The following PPP1R15A variants were observed in gnomAD, a reference collection of about 807,000 sequenced individuals.
PPP1R15A encodes the protein protein phosphatase 1 regulatory subunit 15A, also known as growth arrest and DNA damage-inducible protein GADD34.
In PPP1R15A, 43 loss-of-function variants were observed where a neutral mutation model predicts 48.5. That is an observed-to-expected ratio of 0.89 (90% CI 0.69 to 1.14). The LOEUF (loss-of-function observed/expected upper bound fraction) is 1.14, where lower values mean the gene tolerates loss of function less well. PPP1R15A is among the 50% of genes most tolerant of loss of function. PPP1R15A has a pLI of 0.00. For missense variants in PPP1R15A, 868 were observed against 847.2 expected (o/e 1.02, Z -0.30); for synonymous variants, 327 against 327.4 (o/e 1.00, Z 0.01).
Position 48,874,689 on chromosome 19 carries a change from C to A in PPP1R15A, c.1456C>A (p.Pro486Thr). Residue 486 changes from proline to threonine, a missense_variant, in exon 2 of 3, where the codon CCT becomes ACT. By Grantham distance (38) the Pro-to-Thr change is conservative. Transcript: ENST00000200453. ...CCACTTCAGGGGCTGGGGATATCGA[C>A]CTGGAAAAGAGACAGAGGAAGAGGA... Reference protein sequence around the residue: ...RAHFRGWGYRPGKETEEEEAA... With the variant: ...RAHFRGWGYRTGKETEEEEAA... The A allele has an allele frequency of 6.2e-7, 1 of 1,613,762 alleles. No homozygotes were observed. The highest frequency in any genetic ancestry group is 8.5e-7 in the Non-Finnish European group (1 of 1,179,770).
At position 48,873,951 on chromosome 19, in the gene PPP1R15A, A is replaced by T. The variant is rs754521332; in HGVS notation, c.718A>T (p.Ser240Cys). The T allele has an allele frequency of 3.1e-6, 5 of 1,613,798 alleles. No homozygotes were observed. The African/African-American group carries it at 6.7e-5, about 22-fold the overall frequency. The change falls in exon 2 of 3, where the codon AGT becomes TGT. Residue 240 changes from serine to cysteine, a missense_variant. Transcript: ENST00000200453. ...CACGGAGGATAAAAGAACAGAAAGA[A>T]GTAAAGGAGCCAGGAAGACCTCCGT... ...QATEDKRTER[S>C]KGARKTSVSP...
At position 48,874,633 on chromosome 19, in the gene PPP1R15A, A is replaced by T. The variant is rs751678533; in HGVS notation, c.1400A>T (p.Asp467Val). The T allele has an allele frequency of 6.2e-7, 1 of 1,613,796 alleles. No individual in the cohort carries two copies. The highest frequency in any genetic ancestry group is 8.5e-7 in the Non-Finnish European group (1 of 1,179,840). Residue 467 changes from aspartate to valine, a missense_variant, in exon 2 of 3, where the codon GAC becomes GTC. Physicochemically the swap from Asp to Val is radical, Grantham distance 152. Coordinates refer to ENST00000200453, the MANE Select transcript of PPP1R15A (RefSeq NM_014330.5). ...SEAALGEAES[D>V]PHPSHPDQRA... ...GCAGCCTTGGGAGAAGCTGAGTCAG[A>T]CCCACATCCCTCCCACCCGGACCAG...
At chr19:48,874,949 G>A in intron 2 of PPP1R15A, 51 bp downstream of exon 2, 1 of 1,454,106 alleles carries the variant, frequency 6.9e-7, no homozygotes, top group South Asian at 1.5e-5. Flanking sequence ...TAATTGAGTT[G>A]GAGTCTTGGG....
At chr19:48,874,930 T>C (rs1455913795) in intron 2 of PPP1R15A, 32 bp downstream of exon 2, 1 of 1,489,254 alleles carries the variant, frequency 6.7e-7, no homozygotes, top group Non-Finnish European at 8.9e-7. Context: ...TCTATTTTTT[T>C]TTTTTTTTTA....
Position 48,873,782 on chromosome 19 carries a change from C to A in PPP1R15A, c.549C>A (p.His183Gln). 6.2e-7 allele frequency: 1 copy of A among 1,614,018 alleles called. No individual in the cohort carries two copies. Among genetic ancestry groups the A allele is most frequent in the East Asian group, 2.2e-5 (1 of 44,868 alleles). Residue 183 changes from histidine (H) to glutamine (Q), a missense_variant, in exon 2 of 3, where the codon CAC (histidine) becomes CAA (glutamine). His to Gln is a conservative substitution (Grantham distance 24). Transcript: ENST00000200453. ...ACAAGTTCTCTTATCCACCATCACA[C>A]CGGGAGTGTTGTCCAGCCGTGGAGG... ...GVNKFSYPPS[H>Q]RECCPAVEEE...
chr19:48,873,276 G>T lies in PPP1R15A; in HGVS notation c.43G>T (p.Asp15Tyr). Residue 15 changes from aspartate (D) to tyrosine (Y), a missense_variant, in exon 2 of 3, where the codon GAT becomes TAT. Asp to Tyr is a radical substitution (Grantham distance 160). Transcript: ENST00000200453. ...ACCCCATCAGGCTACCCCGTGGAGGGATGCCCACCCTTTCTTCCTCCTGTC... is the reference window on the plus strand; with the variant it reads ...ACCCCATCAGGCTACCCCGTGGAGGTATGCCCACCCTTTCTTCCTCCTGTC... ...QAPHQATPWR[D>Y]AHPFFLLSPV... is the part of the protein sequence containing the mutation. 6.4e-7 allele frequency: 1 copy of T among 1,569,510 alleles called. No homozygotes were observed. The highest frequency in any genetic ancestry group is 8.6e-7 in the Non-Finnish European group (1 of 1,160,706).
rs77919834 is a variant in PPP1R15A, at chr19:48,875,618, G to T, written c.1670G>T (p.Arg557Leu). The change falls in exon 3 of 3, where the codon CGC (arginine) becomes CTC (leucine). Residue 557 changes from arginine to leucine, a missense_variant. By Grantham distance (102) the Arg-to-Leu change is moderately radical. Coordinates refer to ENST00000200453, the MANE Select transcript of PPP1R15A (RefSeq NM_014330.5). ...PETPLKARKV[R>L]FSEKVTVHFL... The stretch of plus-strand genomic sequence containing the variant: ...TGTCCCCATGTCTGCCCGCAGGTGC[G>T]CTTCTCCGAGAAGGTCACTGTCCAT... 2 of 1,588,356 alleles carry T rather than the reference G, an allele frequency of 1.3e-6. No homozygotes were observed. Among genetic ancestry groups the T allele is most frequent in the East Asian group, 2.3e-5 (1 of 44,434 alleles).
rs1335188946 is a variant in PPP1R15A at position 48,874,204 on chromosome 19, G to A, written c.971G>A (p.Gly324Glu). 1 of 1,614,222 alleles carries A rather than the reference G, an allele frequency of 6.2e-7. No individual in the cohort carries two copies. The highest frequency in any genetic ancestry group is 8.5e-7 in the Non-Finnish European group (1 of 1,180,050). The change falls in exon 2 of 3, where the codon GGA (glycine) becomes GAA (glutamate). Residue 324 changes from glycine to glutamate, a missense_variant. Gly to Glu is a moderately conservative substitution (Grantham distance 98, BLOSUM62 -2). Coordinates refer to ENST00000200453, the MANE Select transcript of PPP1R15A (RefSeq NM_014330.5). ...VKALGAAEKD[G>E]EAECPPCIPP... ...GCTTTGGGGGCAGCTGAGAAGGATG[G>A]AGAAGCTGAGTGTCCTCCCTGCATC...
At chr19:48,873,116 C>G (rs2037028558) in intron 1 of PPP1R15A, 109 bp from the exon 2 acceptor site, 23 of 1,373,950 alleles carry the variant, frequency 1.7e-5, no homozygotes, top group Middle Eastern at 2.7e-4. Context: ...TCTCGCGTTG[C>G]TATTTACAAT....
chr19:48,873,164 A>G (rs1280284828), intron 1 of PPP1R15A, 61 bp from the exon 2 acceptor site: 1 of 1,422,308 alleles, frequency 7.0e-7, no homozygotes, highest in Non-Finnish European at 9.2e-7. Flanking sequence ...ACTCATAGTC[A>G]CGCCCGGATG....
At chr19:48,872,834 G>A (rs2037024712) in intron 1 of PPP1R15A, among the ~76,000 whole-genome samples, 183 bp downstream of exon 1, 1 of 152,166 alleles carries the variant, frequency 6.6e-6, no homozygotes, top group Admixed American at 6.6e-5. Flanking sequence ...GTTTCAGTCT[G>A]CGAGGGAGGA....
chr19:48,874,073 G>A lies in PPP1R15A; in HGVS notation c.840G>A (p.Gly280=), dbSNP rs753757835. Residue 280 remains glycine (G), a synonymous_variant, in exon 2 of 3, where the codon GGG becomes GGA. Coordinates refer to ENST00000200453, the MANE Select transcript of PPP1R15A (RefSeq NM_014330.5). ...AGGAAAAGGCACACAAAGAAACTGGGAAAGGAGAAGCTGCCCCAGGGCCGC... is the reference window on the plus strand; with the variant it reads ...AGGAAAAGGCACACAAAGAAACTGGAAAAGGAGAAGCTGCCCCAGGGCCGC... The part of the protein sequence containing the change: ...EKEEKAHKET[G]KGEAAPGPQS... 3 of 1,614,084 alleles carry A rather than the reference G, an allele frequency of 1.9e-6. No homozygotes were observed. Among genetic ancestry groups the A allele is most frequent in the African/African-American group, 1.3e-5 (1 of 74,934 alleles).
chr19:48,875,449 ATAG>A, intron 2 of PPP1R15A, 162 bp from the exon 3 acceptor site: 1 of 954,284 alleles, frequency 1.0e-6, no homozygotes. Flanking sequence ...AGTCAGATAG[ATAG>A]AGAATCCCGT....
intron 1 of PPP1R15A, 25 bp from the exon 2 acceptor site, chr19:48,873,198 CTT>C: frequency 6.9e-7 from 1 of 1,454,418 alleles, no homozygotes; most frequent in Non-Finnish European, 9.1e-7. Flanking sequence ...GGCCCCTAAA[CTT>C]TATTTTTTTC....
chr19:48,873,704 C>A lies in PPP1R15A; in HGVS notation c.471C>A (p.Asn157Lys), dbSNP rs766671787. ...LIRTLQGSDK[N>K]PGEEKAEEEG... The stretch of plus-strand genomic sequence containing the variant: ...GGACACTGCAAGGTTCTGATAAGAA[C>A]CCAGGGGAGGAGAAAGCCGAGGAAG... Residue 157 changes from asparagine to lysine, a missense_variant, in exon 2 of 3, where the codon AAC becomes AAA. Asn to Lys is a moderately conservative substitution (Grantham distance 94, BLOSUM62 0). Transcript: ENST00000200453. 6.2e-7 allele frequency: 1 copy of A among 1,614,016 alleles called. No homozygotes were observed. The highest frequency in any genetic ancestry group is 1.3e-5 in the African/African-American group (1 of 74,892).
chr19:48,874,932 T>C, intron 2 of PPP1R15A, 34 bp downstream of exon 2: 1 of 1,485,302 alleles, frequency 6.7e-7, no homozygotes, highest in Non-Finnish European at 8.9e-7. Context: ...TATTTTTTTT[T>C]TTTTTTTAAT....
intron 2 of PPP1R15A, 25 bp downstream of exon 2, chr19:48,874,923 A>G: frequency 1.5e-6 from 2 of 1,368,132 alleles, no homozygotes; most frequent in Non-Finnish European, 9.5e-7. Flanking sequence ...CCCAGATTCT[A>G]TTTTTTTTTT....
In PPP1R15A at chr19:48,874,532, G is replaced by A. The variant is rs192997367; in HGVS notation, c.1299G>A (p.Val433=). 5.6e-6 allele frequency: 9 copies of A among 1,614,032 alleles called. No individual in the cohort carries two copies. In the East Asian group the frequency reaches 2.0e-4, roughly 36 times the overall value. The change falls in exon 2 of 3, where the codon GTG becomes GTA. Residue 433 remains valine (V), a synonymous_variant. Coordinates refer to ENST00000200453, the MANE Select transcript of PPP1R15A (RefSeq NM_014330.5). Reference sequence around the variant, plus strand: ...CAAGTGCTTTCTTGAAGGCCTGGGTGTATCGGCCAGGAGAGGACACGGAGG... The same window carrying A: ...CAAGTGCTTTCTTGAAGGCCTGGGTATATCGGCCAGGAGAGGACACGGAGG... ...PPASAFLKAW[V]YRPGEDTEEE...
In PPP1R15A at chr19:48,875,812, C is replaced by A. The variant is rs1430975128; in HGVS notation, c.1864C>A (p.Pro622Thr). The change falls in exon 3 of 3, where the codon CCA becomes ACA. Residue 622 changes from proline to threonine, a missense_variant. Physicochemically the swap from Pro to Thr is conservative, Grantham distance 38 (BLOSUM62 -1). Transcript: ENST00000200453. ...CAGAGCCTGGGCACGCCTCAGGAAC[C>A]CACCTTTAGCCCCCATCCCTGCCCT... Reference protein sequence around the residue: ...RARAWARLRNPPLAPIPALTQ... With the variant: ...RARAWARLRNTPLAPIPALTQ... The A allele has an allele frequency of 6.2e-7, 1 of 1,613,946 alleles. No homozygotes were observed. Among genetic ancestry groups the A allele is most frequent in the South Asian group, 1.1e-5 (1 of 91,074 alleles).
Sources: allele counts gnomAD v4.1 joint callset (sites outside exome capture counted in the v4.1 genomes callset), GRCh38; gene constraint gnomAD v4.1.1; transcripts MANE v1.5; gene names NCBI Gene and HGNC (gene_info 2026-07-23, HGNC 2026-07-21).